The following ARHGAP26 variants were observed in gnomAD, a reference collection of about 807,000 sequenced individuals.
ARHGAP26 encodes the protein rho GTPase-activating protein 26.
Under a neutral mutation model 104.8 loss-of-function variants are expected in ARHGAP26, and 38 were observed. The ratio of observed to expected loss-of-function variants is 0.36; its 90% CI spans 0.28 to 0.48. ARHGAP26 has a LOEUF of 0.48. ARHGAP26 is among the 20% of genes least tolerant of loss of function. The pLI is 0.99. For synonymous variants in ARHGAP26, 341 were observed against 340.0 expected (o/e 1.00, Z -0.03); for missense variants, 704 against 947.9 (o/e 0.74, Z 3.38).
At chr5:142,808,002 G>A (rs375374546) in intron 1 of ARHGAP26, among the ~76,000 whole-genome samples, 4 of 152,106 alleles carry the variant, frequency 2.6e-5, no homozygotes, top group Admixed American at 6.5e-5. Flanking sequence ...TTGGGAGGCC[G>A]AGGCGGGCGG....
chr5:143,086,909 C>T lies in ARHGAP26; in HGVS notation c.1538+29162C>T, dbSNP rs993205332. ...CCACATTAAAGTTTTGGATCCTCCC[C>T]GCCTACCCCCTACCTCCACTGTCTC... On this transcript the variant is annotated intron_variant, in intron 17 of 22. Transcript: ENST00000645722. Among the ~76,000 whole-genome samples, 5 of 152,196 alleles carry T rather than the reference C, an allele frequency of 3.3e-5. No individual in the cohort carries two copies. In the East Asian group the frequency reaches 5.8e-4, roughly 18 times the overall value.
chr5:143,160,527 C>T (rs1801103205), intron 20 of ARHGAP26, among the ~76,000 whole-genome samples: 1 of 151,068 alleles, frequency 6.6e-6, no homozygotes, highest in Admixed American at 6.6e-5. Context: ...ACTCTGTTTC[C>T]CAGGCTGAGT....
chr5:142,841,794 C>T (rs1344733668), intron 1 of ARHGAP26, among the ~76,000 whole-genome samples: 1 of 152,168 alleles, frequency 6.6e-6, no homozygotes, highest in Non-Finnish European at 1.5e-5. Flanking sequence ...TAGAGTAGTG[C>T]CTGAGTCGTG....
chr5:143,210,720 A>G (rs189586308), intron 21 of ARHGAP26, among the ~76,000 whole-genome samples: 1 of 152,352 alleles, frequency 6.6e-6, no homozygotes, highest in East Asian at 1.9e-4. Flanking sequence ...CTGTAGTGCC[A>G]TATGATGGCG....
In ARHGAP26 at chr5:143,056,046, C is replaced by T. The variant is rs939614862; in HGVS notation, c.1392C>T (p.Leu464=). 5 of 1,613,056 alleles carry T rather than the reference C, an allele frequency of 3.1e-6. No homozygotes were observed. The African/African-American group carries it at 5.3e-5, about 17-fold the overall frequency. Residue 464 remains leucine (L), a synonymous_variant, in exon 16 of 23, where the codon CTC becomes CTT. Transcript: ENST00000645722. ...CCTCCAGAATGCTTCCAGGACCACT[C>T]ATGATGTACCAGTTTCAAAGAAGTT... The part of the protein sequence containing the change: ...KTYLRMLPGP[L]MMYQFQRSFI...
intron 11 of ARHGAP26, among the ~76,000 whole-genome samples, chr5:142,958,987 G>A (rs1327386430): frequency 6.6e-6 from 1 of 151,178 alleles, no homozygotes; most frequent in East Asian, 1.9e-4. Flanking sequence ...GTTTTCTAAT[G>A]TAATAAGGAA....
At chr5:143,120,691 G>T (rs1168745523) in intron 17 of ARHGAP26, among the ~76,000 whole-genome samples, 1 of 152,228 alleles carries the variant, frequency 6.6e-6, no homozygotes, top group Non-Finnish European at 1.5e-5. Flanking sequence ...GCAAAACAGG[G>T]ATTCAGATGT....
At chr5:143,014,554 A>G (rs1345380396) in intron 12 of ARHGAP26, among the ~76,000 whole-genome samples, 3 of 152,142 alleles carry the variant, frequency 2.0e-5, no homozygotes, top group Non-Finnish European at 4.4e-5. Context: ...ATGTTAGGTG[A>G]TTTCTTAGTA....
intron 1 of ARHGAP26, among the ~76,000 whole-genome samples, chr5:142,820,849 TA>T (rs1243774699): frequency 7.2e-5 from 11 of 152,218 alleles, no homozygotes; most frequent in Non-Finnish European, 4.4e-5. Flanking sequence ...AAGTGGAGTC[TA>T]TTCTTGATTG....
chr5:143,163,976 T>G (rs1801600794), intron 20 of ARHGAP26, among the ~76,000 whole-genome samples: 1 of 151,834 alleles, frequency 6.6e-6, no homozygotes, highest in Non-Finnish European at 1.5e-5. Flanking sequence ...ATCATTTGCA[T>G]GTGTTGCATT....
At chr5:142,947,856 A>G (rs1302753873) in intron 11 of ARHGAP26, among the ~76,000 whole-genome samples, 1 of 152,134 alleles carries the variant, frequency 6.6e-6, no homozygotes, top group African/African-American at 2.4e-5. Context: ...TCCATGTTCA[A>G]TAAATATTTA....
At position 143,222,354 on chromosome 5, in the gene ARHGAP26, A is replaced by G; in HGVS notation, c.2192-4A>G. The G allele has an allele frequency of 1.9e-6, 3 of 1,588,452 alleles. No homozygotes were observed. Among genetic ancestry groups the G allele is most frequent in the South Asian group, 1.1e-5 (1 of 87,882 alleles). On this transcript the variant is annotated splice_polypyrimidine_tract_variant and splice_region_variant and intron_variant, in intron 22 of 22. Coordinates refer to ENST00000645722, the MANE Select transcript of ARHGAP26 (RefSeq NM_001135608.3). ...TTCTCGCTTTCTCTCCCCTTCCTGT[A>G]CAGTTCACCCATCTCAGGAGCCTGG...
At chr5:143,141,473 C>G (rs1175749046) in intron 19 of ARHGAP26, among the ~76,000 whole-genome samples, 1 of 152,194 alleles carries the variant, frequency 6.6e-6, no homozygotes, top group Non-Finnish European at 1.5e-5. Flanking sequence ...TGTGCAGATG[C>G]AAATGCTTTT....
At chr5:142,862,700 C>G (rs114126903) in intron 1 of ARHGAP26, among the ~76,000 whole-genome samples, 4 of 152,112 alleles carry the variant, frequency 2.6e-5, no homozygotes, top group Admixed American at 2.0e-4. Flanking sequence ...TCCTCATCTG[C>G]TTGACTTCTC....
At chr5:143,205,601 G>A (rs989123471) in intron 20 of ARHGAP26, among the ~76,000 whole-genome samples, 1 of 152,240 alleles carries the variant, frequency 6.6e-6, no homozygotes, top group African/African-American at 2.4e-5. Context: ...ACAGGCTAGA[G>A]GAACAGGGCA....
intron 14 of ARHGAP26, among the ~76,000 whole-genome samples, chr5:143,043,660 T>C (rs1390276077): frequency 2.0e-5 from 3 of 152,230 alleles, no homozygotes; most frequent in Admixed American, 2.0e-4. Flanking sequence ...TCCTTAGTTT[T>C]TCATTTCTGA....
intron 12 of ARHGAP26, among the ~76,000 whole-genome samples, chr5:143,017,713 T>A (rs372095413): frequency 6.6e-6 from 1 of 152,242 alleles, no homozygotes; most frequent in African/African-American, 2.4e-5. Context: ...TGCTGTGGCT[T>A]CTGATTACTG....
chr5:143,052,104 A>G (rs1228129768), intron 14 of ARHGAP26, among the ~76,000 whole-genome samples: 4 of 152,184 alleles, frequency 2.6e-5, no homozygotes, highest in Admixed American at 2.0e-4. Context: ...GGAAAATCAC[A>G]TTTTGTGAAC....
intron 20 of ARHGAP26, among the ~76,000 whole-genome samples, chr5:143,155,301 C>T (rs1800344648): frequency 1.3e-5 from 2 of 152,174 alleles, no homozygotes; most frequent in South Asian, 4.1e-4. Flanking sequence ...GGCCACAGCT[C>T]TGCCCTGTAA....
Sources: allele counts gnomAD v4.1 joint callset (sites outside exome capture counted in the v4.1 genomes callset), GRCh38; gene constraint gnomAD v4.1.1; transcripts MANE v1.5; gene names NCBI Gene and HGNC (gene_info 2026-07-23, HGNC 2026-07-21).